The following LIMK1 variants were observed in gnomAD, a reference collection of about 807,000 sequenced individuals.
LIMK1 encodes LIM domain kinase 1, also known as LIM motif-containing protein kinase.
In LIMK1, 21 loss-of-function variants were observed where a neutral mutation model predicts 77.6. The ratio of observed to expected loss-of-function variants is 0.27; its 90% CI spans 0.19 to 0.39. The LOEUF (loss-of-function observed/expected upper bound fraction) is 0.39. Among genes scored for constraint, LIMK1 ranks in the 10% least tolerant of loss-of-function variants. The pLI, the probability that LIMK1 is intolerant of heterozygous loss-of-function variation, is 1.00. For synonymous variants in LIMK1, 358 were observed against 370.0 expected (o/e 0.97, Z 0.37); for missense variants, 696 against 901.6 (o/e 0.77, Z 2.92).
rs1799955463 is a variant in LIMK1 at position 74,122,200 on chromosome 7, T to A, written c.*899T>A. 6.6e-6 allele frequency: 1 copy of A among 152,542 alleles called. No homozygotes were observed. The highest frequency in any genetic ancestry group is 2.4e-5 in the African/African-American group (1 of 41,392). The allele number at this position is 152,542 out of a possible 1,614,324, so 9.4% of individuals were successfully genotyped here. The stretch of plus-strand genomic sequence containing the variant: ...CTCATGCCCCTCTGTCCTCTGCGTT[T>A]TTTCTGTGTAATCTATTTTTTAAGA... On this transcript the variant is annotated 3_prime_UTR_variant, in exon 16 of 16. Coordinates refer to ENST00000336180, the MANE Select transcript of LIMK1 (RefSeq NM_002314.4).
At chr7:74,102,575 C>T (rs1554696754) in intron 5 of LIMK1, among the ~76,000 whole-genome samples, 1 of 145,908 alleles carries the variant, frequency 6.9e-6, no homozygotes, top group African/African-American at 2.5e-5. Flanking sequence ...CCTCAACCTC[C>T]CAGGCTCAAG....
chr7:74,086,496 A>AT (rs1368891481), intron 2 of LIMK1, among the ~76,000 whole-genome samples: 2 of 152,036 alleles, frequency 1.3e-5, no homozygotes, highest in Non-Finnish European at 2.9e-5. Context: ...AGTAGCTGGG[A>AT]TTATAGGTAT....
In LIMK1 at chr7:74,120,599, G is replaced by A. The variant is rs782478534; in HGVS notation, c.1584G>A (p.Glu528=). ...PEMINGRSYD[E]KVDVFSFGIV... ...TTTATCCAGGCCGCAGCTATGATGAGAAGGTGGATGTGTTCTCCTTTGGGA... is the reference window on the plus strand; with the variant it reads ...TTTATCCAGGCCGCAGCTATGATGAAAAGGTGGATGTGTTCTCCTTTGGGA... Residue 528 remains glutamate, a synonymous_variant, in exon 14 of 16, where the codon GAG becomes GAA. Coordinates refer to ENST00000336180, the MANE Select transcript of LIMK1 (RefSeq NM_002314.4). 2.5e-6 allele frequency: 4 copies of A among 1,614,258 alleles called. No individual in the cohort carries two copies. In the South Asian group the frequency reaches 4.4e-5, roughly 18 times the overall value.
At position 74,120,875 on chromosome 7, in the gene LIMK1, G is replaced by A. The variant is rs187667289; in HGVS notation, c.1624-17G>A. 905 of 1,613,998 alleles carry A rather than the reference G, an allele frequency of 5.6e-4. 4 individuals carry two copies. The African/African-American group carries it at 9.8e-3, about 18-fold the overall frequency. On this transcript the variant is annotated splice_polypyrimidine_tract_variant and intron_variant, in intron 14 of 15. Transcript: ENST00000336180. ...TGAGGGCCCCCTGGAGTAACTGCCG[G>A]GCCTTGTACTGGACAGATCATCGGG...
At chr7:74,098,959 T>A in intron 4 of LIMK1, 73 bp from the exon 5 acceptor site, 1 of 1,201,468 alleles carries the variant, frequency 8.3e-7, no homozygotes, top group Non-Finnish European at 1.2e-6. Flanking sequence ...AGCCTGGGGC[T>A]GGGGGCTGCA....
chr7:74,097,094 G>A lies in LIMK1; in HGVS notation c.306G>A (p.Leu102=). 6.2e-7 allele frequency: 1 copy of A among 1,612,984 alleles called. No individual in the cohort carries two copies. The highest frequency in any genetic ancestry group is 8.5e-7 in the Non-Finnish European group (1 of 1,179,414). ...CCCCGCACCAGGTGGCTGGGGAGCT[G>A]AAGTACCACCCCGAGTGTTTCATCT... ...TKGLVMVAGE[L]KYHPECFICL... Residue 102 remains leucine, a synonymous_variant, in exon 4 of 16, where the codon CTG becomes CTA. Coordinates refer to ENST00000336180, the MANE Select transcript of LIMK1 (RefSeq NM_002314.4).
chr7:74,091,054 C>T (rs1157889251), intron 2 of LIMK1, among the ~76,000 whole-genome samples: 2 of 152,074 alleles, frequency 1.3e-5, no homozygotes, highest in Non-Finnish European at 2.9e-5. Context: ...GCTGGGACTA[C>T]AGGCGCCCAC....
chr7:74,102,484 C>CTTTTTTTTTTTTTTTTTTTTTTTTGT (rs71094754), intron 5 of LIMK1, among the ~76,000 whole-genome samples: 1 of 54,042 alleles, frequency 1.9e-5, no homozygotes, highest in Non-Finnish European at 3.5e-5. Flanking sequence ...AGGACCTTCT[C>CTTTTTTTTTTTTTTTTTTTTTTTTGT]TTTTTTTTTT....
chr7:74,111,869 G>A, intron 11 of LIMK1, 64 bp from the exon 12 acceptor site: 4 of 1,493,404 alleles, frequency 2.7e-6, no homozygotes, highest in Non-Finnish European at 3.7e-6. Flanking sequence ...AGTTCCTGGG[G>A]AGCCAGGATG....
chr7:74,121,145 C>T lies in LIMK1; in HGVS notation c.1788C>T (p.Ser596=), dbSNP rs1224606050. The part of the protein sequence containing the change: ...CCDLDPEKRP[S]FVKLEHWLET... ...CCACCCACCTGTCACCCAGGCCATC[C>T]TTTGTGAAGCTGGAACACTGGCTGG... is the stretch of plus-strand genomic sequence containing the variant. Residue 596 remains serine (S), a synonymous_variant, in exon 16 of 16, where the codon TCC becomes TCT. Coordinates refer to ENST00000336180, the MANE Select transcript of LIMK1 (RefSeq NM_002314.4). 3 of 1,613,210 alleles carry T rather than the reference C, an allele frequency of 1.9e-6. No homozygotes were observed. Among genetic ancestry groups the T allele is most frequent in the African/African-American group, 2.7e-5 (2 of 74,910 alleles).
intron 2 of LIMK1, among the ~76,000 whole-genome samples, chr7:74,091,086 T>G (rs896305494): frequency 8.6e-5 from 13 of 151,990 alleles, no homozygotes; most frequent in African/African-American, 1.4e-4. Flanking sequence ...GCTAATTTTT[T>G]TTTGTTTGTT....
chr7:74,101,337 G>A (rs1391286742), intron 5 of LIMK1, among the ~76,000 whole-genome samples: 1 of 152,166 alleles, frequency 6.6e-6, no homozygotes, highest in Non-Finnish European at 1.5e-5. Context: ...AATCCAGGCA[G>A]AATTTTAGAA....
Position 74,111,697 on chromosome 7 carries a change from C to T in LIMK1, c.1334C>T (p.Ala445Val), listed in dbSNP as rs1554698661. The change falls in exon 11 of 16, where the codon GCA becomes GTA. Residue 445 changes from alanine to valine, a missense_variant. By Grantham distance (64) the Ala-to-Val change is moderately conservative. Transcript: ENST00000336180. Reference sequence around the variant, plus strand: ...AGAGTGAGCTTTGCCAAGGACATCGCATCAGGGATGGTGAGTGAGCCGGGT... The same window carrying T: ...AGAGTGAGCTTTGCCAAGGACATCGTATCAGGGATGGTGAGTGAGCCGGGT... ...SQRVSFAKDI[A>V]SGMAYLHSMN... 6.2e-7 allele frequency: 1 copy of T among 1,613,190 alleles called. No homozygotes were observed. The highest frequency in any genetic ancestry group is 1.7e-5 in the Admixed American group (1 of 59,872).
chr7:74,114,745 C>T (rs1554699128), intron 12 of LIMK1, among the ~76,000 whole-genome samples: 1 of 151,326 alleles, frequency 6.6e-6, no homozygotes, highest in Non-Finnish European at 1.5e-5. Flanking sequence ...GAAACCCCGT[C>T]TCTACTAAAA....
At chr7:74,084,370 C>G (rs1799090954) in intron 1 of LIMK1, among the ~76,000 whole-genome samples, 1 of 152,214 alleles carries the variant, frequency 6.6e-6, no homozygotes, top group African/African-American at 2.4e-5. Context: ...GGGCCTCGCC[C>G]TGGGGCCACC....
intron 2 of LIMK1, among the ~76,000 whole-genome samples, chr7:74,095,629 C>T (rs1799323594): frequency 6.6e-6 from 1 of 152,044 alleles, no homozygotes. Flanking sequence ...TGGCCTCAAA[C>T]CTCTGGCCTC....
chr7:74,120,745 A>G (rs1554700405), intron 14 of LIMK1, 107 bp downstream of exon 14: 7 of 1,543,784 alleles, frequency 4.5e-6, no homozygotes, highest in Non-Finnish European at 6.3e-6. Flanking sequence ...AAGCCTGCCC[A>G]CAGCAAGGCA....
At chr7:74,097,427 G>A (rs1799358645) in intron 4 of LIMK1, among the ~76,000 whole-genome samples, 1 of 152,240 alleles carries the variant, frequency 6.6e-6, no homozygotes, top group Admixed American at 6.5e-5. Context: ...TGTAAACCCA[G>A]CACTTTGGGA....
intron 5 of LIMK1, among the ~76,000 whole-genome samples, chr7:74,100,964 C>G (rs1799447820): frequency 1.3e-5 from 2 of 149,058 alleles, no homozygotes; most frequent in Admixed American, 6.7e-5. Flanking sequence ...GTCTCGATCT[C>G]CTGACCTCGT....
Sources: gnomAD v4.1 joint callset for allele counts (sites outside exome capture counted in the v4.1 genomes callset) on GRCh38, gnomAD v4.1.1 for gene constraint, MANE v1.5 for transcripts, NCBI Gene and HGNC (gene_info 2026-07-23, HGNC 2026-07-21) for gene names.